Variants in PCDHGA4 observed in about 807,000 individuals in gnomAD.
The protein encoded by PCDHGA4 is protocadherin gamma-A4.
In PCDHGA4, 38 loss-of-function variants were observed where a neutral mutation model predicts 54.6. The observed-to-expected ratio is 0.70, with a 90% CI of 0.54 to 0.91. PCDHGA4 has a LOEUF of 0.91. Ranked by LOEUF, PCDHGA4 falls within the 40% of genes least tolerant of loss-of-function variation. PCDHGA4 has a pLI of 0.00. For missense variants in PCDHGA4, 1,298 were observed against 1,220.9 expected, an observed-to-expected ratio of 1.06 and a Z score of -0.94; for synonymous variants, 511 against 512.9, an observed-to-expected ratio of 1.00 and a Z score of 0.05.
intron 1 of PCDHGA4, chr5:141,428,064 G>A: frequency 6.2e-7 from 1 of 1,609,060 alleles, no homozygotes; most frequent in East Asian, 2.2e-5. Flanking sequence ...GGCGGTGGAC[G>A]CAGATTCGGG....
At chr5:141,395,138 C>A (rs147992300) in intron 1 of PCDHGA4, 1 of 1,614,204 alleles carries the variant, frequency 6.2e-7, no homozygotes, top group African/African-American at 1.3e-5. Flanking sequence ...AGCCCAACTA[C>A]GCAGACATGC....
At chr5:141,397,923 C>T in intron 1 of PCDHGA4, 1 of 738,672 alleles carries the variant, frequency 1.4e-6, no homozygotes, top group East Asian at 2.8e-5. Flanking sequence ...GATCTCCTCG[C>T]GCAGCCGCAG....
At position 141,429,460 on chromosome 5, in the gene PCDHGA4, C is replaced by T. The variant is rs528924726; in HGVS notation, c.2515-65347C>T. The stretch of plus-strand genomic sequence containing the variant: ...AAACTCTTGGGCTACAGTAATCCTC[C>T]CACCTCAATCTCCAGAGTAGCTGAG... On this transcript the variant is annotated intron_variant, in intron 1 of 3. Transcript: ENST00000571252. Among the ~76,000 whole-genome samples the T allele has an allele frequency of 1.6e-4, 25 of 151,938 alleles. 1 individual carries two copies. The South Asian group carries it at 4.6e-3, about 28-fold the overall frequency.
chr5:141,388,415 T>C, intron 1 of PCDHGA4: 2 of 1,613,894 alleles, frequency 1.2e-6, no homozygotes, highest in Non-Finnish European at 1.7e-6. Flanking sequence ...CCAGTGATCA[T>C]TTCTCACTGA....
At chr5:141,371,238 A>G in intron 1 of PCDHGA4, 1 of 1,614,058 alleles carries the variant, frequency 6.2e-7, no homozygotes, top group Non-Finnish European at 8.5e-7. Flanking sequence ...CTATGCCTTC[A>G]TCAATATTGG....
At position 141,489,358 on chromosome 5, in the gene PCDHGA4, G is replaced by A; in HGVS notation, c.2515-5449G>A. On this transcript the variant is annotated intron_variant, in intron 1 of 3. Transcript: ENST00000571252. This position sits in a 1 kb window ranked among gnomAD's most constrained non-coding sequence, Gnocchi z 4.5. ...TCGTTACTCAGTGGTGGAGGAGTCT[G>A]AGCCGGGGACGCTGGTGGGGAATGT... 1 of 1,613,144 alleles carries A rather than the reference G, an allele frequency of 6.2e-7. No individual in the cohort carries two copies. The highest frequency in any genetic ancestry group is 8.5e-7 in the Non-Finnish European group (1 of 1,179,278).
chr5:141,477,189 A>G lies in PCDHGA4; in HGVS notation c.2515-17618A>G, dbSNP rs377372902. ...CCGGAGATCACAGTCACCTCCGTGT[A>G]CAGCCCAGTACCCGAGGATGCCCCT... On this transcript the variant is annotated intron_variant, in intron 1 of 3. Coordinates refer to ENST00000571252, the MANE Select transcript of PCDHGA4 (RefSeq NM_018917.4). The surrounding 1 kb of genome is among the most constrained non-coding windows in gnomAD (Gnocchi z 4.9). 6.2e-7 allele frequency: 1 copy of G among 1,614,070 alleles called. No homozygotes were observed. The highest frequency in any genetic ancestry group is 8.5e-7 in the Non-Finnish European group (1 of 1,180,040).
At chr5:141,371,584 A>T in intron 1 of PCDHGA4, 2 of 1,613,962 alleles carry the variant, frequency 1.2e-6, no homozygotes, top group Non-Finnish European at 1.7e-6. Flanking sequence ...ATCGTTCAAG[A>T]TACCAAAAAC....
In PCDHGA4 at chr5:141,398,596, G is replaced by A. The variant is rs201846904; in HGVS notation, c.2514+40975G>A. 1,173 of 1,614,034 alleles carry A rather than the reference G, an allele frequency of 7.3e-4. 1 individual carries two copies. Among genetic ancestry groups the A allele is most frequent in the Non-Finnish European group, 9.3e-4 (1,101 of 1,179,898 alleles). ...TGGCACAAGATTTATACTAGAAGTA[G>A]CAGAAGATGCAGATATTGGCTTAAA... is the stretch of plus-strand genomic sequence containing the variant. On this transcript the variant is annotated intron_variant, in intron 1 of 3. Transcript: ENST00000571252.
At chr5:141,422,725 G>C (rs1424048338) in intron 1 of PCDHGA4, 1 of 1,606,156 alleles carries the variant, frequency 6.2e-7, no homozygotes, top group African/African-American at 1.3e-5. Flanking sequence ...TGTCCAGGGG[G>C]TGCCTCTGTC....
intron 1 of PCDHGA4, chr5:141,383,980 C>T: frequency 6.2e-7 from 1 of 1,613,696 alleles, no homozygotes; most frequent in Admixed American, 1.7e-5. Context: ...TGAAGACACA[C>T]CTCTTGGGAC....
At chr5:141,389,766 C>A (rs1217222336) in intron 1 of PCDHGA4, 1 of 1,613,060 alleles carries the variant, frequency 6.2e-7, no homozygotes, top group East Asian at 2.2e-5. Flanking sequence ...GCGCACAGCG[C>A]GTGCCTTAGG....
chr5:141,478,142 G>T (rs774271595), intron 1 of PCDHGA4: 8 of 1,613,988 alleles, frequency 5.0e-6, no homozygotes, highest in Non-Finnish European at 6.8e-6. Flanking sequence ...AGCCCGAGCC[G>T]AGTTCCCCTC....
chr5:141,481,351 A>G (rs2099536232), intron 1 of PCDHGA4, among the ~76,000 whole-genome samples: 1 of 152,152 alleles, frequency 6.6e-6, no homozygotes, highest in Non-Finnish European at 1.5e-5. Context: ...TTAAACATCT[A>G]CAGCTGTTCA....
intron 1 of PCDHGA4, chr5:141,428,863 T>C (rs1160939898): frequency 6.7e-6 from 1 of 149,182 alleles, no homozygotes; most frequent in African/African-American, 2.4e-5. Context: ...CGGGAGACTT[T>C]TTTTTTTTTT....
chr5:141,494,675 C>A, intron 1 of PCDHGA4, 132 bp from the exon 2 acceptor site: 2 of 1,548,574 alleles, frequency 1.3e-6, no homozygotes, highest in South Asian at 1.2e-5. Flanking sequence ...TGAGTCCACC[C>A]CTGCCCCCTC....
intron 1 of PCDHGA4, chr5:141,366,527 G>T (rs374836826): frequency 2.5e-6 from 4 of 1,614,142 alleles, no homozygotes; most frequent in Non-Finnish European, 3.4e-6. Context: ...CAGCAGGTTG[G>T]CGGGTGTGCC....
chr5:141,500,350 A>G (rs2099799466), intron 2 of PCDHGA4, among the ~76,000 whole-genome samples: 1 of 151,976 alleles, frequency 6.6e-6, no homozygotes, highest in African/African-American at 2.4e-5. Flanking sequence ...CTGGGACTAC[A>G]GGCGCCCACT....
In PCDHGA4 at chr5:141,355,640, A is replaced by G. The variant is rs373212603; in HGVS notation, c.533A>G (p.Asn178Ser). The change falls in exon 1 of 4, where the codon AAT (asparagine) becomes AGT (serine). Residue 178 changes from asparagine (N) to serine (S), a missense_variant. By Grantham distance (46) the Asn-to-Ser change is conservative. Transcript: ENST00000571252. Reference sequence around the variant, plus strand: ...GAAATAAAAGTTGCTGAAAATGAAAATCCTGGGGCAAGATTTCCTCTTCCT... The same window carrying G: ...GAAATAAAAGTTGCTGAAAATGAAAGTCCTGGGGCAAGATTTCCTCTTCCT... ...QREIKVAENENPGARFPLPEA... is the reference protein window; with the variant it reads ...QREIKVAENESPGARFPLPEA... The G allele has an allele frequency of 6.2e-7, 1 of 1,613,988 alleles. No homozygotes were observed. Among genetic ancestry groups the G allele is most frequent in the East Asian group, 2.2e-5 (1 of 44,884 alleles).
Sources: allele counts gnomAD v4.1 joint callset (sites outside exome capture counted in the v4.1 genomes callset), GRCh38; gene constraint gnomAD v4.1.1; non-coding constraint Gnocchi (gnomAD v3.1); transcripts MANE v1.5; gene names NCBI Gene and HGNC (gene_info 2026-07-23, HGNC 2026-07-21).